Variants in UTP4 observed in about 807,000 individuals in gnomAD.
The protein encoded by UTP4 is U3 small nucleolar RNA-associated protein 4 homolog.
UTP4 carries 45 observed loss-of-function variants against 82.4 expected under a neutral mutation model. That is an observed-to-expected ratio of 0.55 (90% confidence interval 0.43 to 0.70). UTP4 has a LOEUF of 0.70. UTP4 is among the 30% of genes least tolerant of loss of function. The probability of loss-of-function intolerance (pLI) is 0.00; values close to 1 mark genes in which losing one functional copy is unlikely to be tolerated. For synonymous variants in UTP4, 348 were observed against 300.3 expected (o/e 1.16, Z -1.64); for missense variants, 819 against 858.3 (o/e 0.95, Z 0.57).
At chr16:69,151,001 T>C (rs924000978) in intron 8 of UTP4, 97 bp downstream of exon 8, 18 of 944,444 alleles carry the variant, frequency 1.9e-5, no homozygotes, top group Middle Eastern at 3.2e-4. Flanking sequence ...CTCGGCAAAT[T>C]TGTAGGACTT....
At chr16:69,151,645 T>C (rs1963273048) in intron 8 of UTP4, among the ~76,000 whole-genome samples, 1 of 151,020 alleles carries the variant, frequency 6.6e-6, no homozygotes, top group African/African-American at 2.4e-5. Context: ...TTTTTAACCA[T>C]CTGGGACATG....
chr16:69,133,738 T>C, intron 2 of UTP4, 120 bp downstream of exon 2: 1 of 1,015,422 alleles, frequency 9.8e-7, no homozygotes, highest in Non-Finnish European at 1.5e-6. Context: ...CTGAAGTTGC[T>C]TAGAACTACC....
At position 69,166,652 on chromosome 16, in the gene UTP4, T is replaced by C. The variant is rs140939984; in HGVS notation, c.1834-423T>C. 6.1e-3 allele frequency: 1,154 copies of C among 189,650 alleles called. 50 individuals are homozygous for C. Among genetic ancestry groups the C allele is most frequent in the Admixed American group, 0.059 (1,051 of 17,864 alleles). The allele number at this position is 189,650 out of a possible 1,614,324, so 11.7% of individuals were successfully genotyped here. On this transcript the variant is annotated intron_variant, in intron 15 of 16. Transcript: ENST00000314423. ...GTCACTTGTCCAGTCTGTGATCTGG[T>C]TGGGGGAGAGTCTAGAAAGCACAGA...
chr16:69,133,689 C>G (rs533459193), intron 2 of UTP4, 71 bp downstream of exon 2: 2 of 1,500,626 alleles, frequency 1.3e-6, no homozygotes, highest in East Asian at 4.5e-5. Flanking sequence ...GCTTGTATGT[C>G]TTTTATAATC....
chr16:69,164,586 T>TTTTATA (rs373429570), intron 14 of UTP4, among the ~76,000 whole-genome samples: 2 of 132,520 alleles, frequency 1.5e-5, no homozygotes, highest in South Asian at 2.4e-4. Context: ...TAATCATTCT[T>TTTTATA]TATATATATA....
In UTP4 at chr16:69,150,750, A is replaced by T. The variant is rs564881105; in HGVS notation, c.910+42A>T. On this transcript the variant is annotated intron_variant, in intron 7 of 16. Coordinates refer to ENST00000314423, the MANE Select transcript of UTP4 (RefSeq NM_032830.3). Reference sequence around the variant, plus strand: ...GTGAGGCTGCTGCTTTACCCTGCCCAGTTCTGGCTGTTCTCGTGAGGATGA... The same window carrying T: ...GTGAGGCTGCTGCTTTACCCTGCCCTGTTCTGGCTGTTCTCGTGAGGATGA... 23 of 1,613,854 alleles carry T rather than the reference A, an allele frequency of 1.4e-5. No homozygotes were observed. In the Admixed American group the frequency reaches 3.5e-4, roughly 25 times the overall value.
chr16:69,151,106 A>G (rs999813363), intron 8 of UTP4, among the ~76,000 whole-genome samples: 14 of 151,066 alleles, frequency 9.3e-5, no homozygotes, highest in Non-Finnish European at 2.1e-4. Flanking sequence ...TCCCGGGTTC[A>G]AGCGATTCTC....
intron 12 of UTP4, among the ~76,000 whole-genome samples, chr16:69,158,744 G>A (rs1963488569): frequency 6.6e-6 from 1 of 151,916 alleles, no homozygotes; most frequent in Admixed American, 6.6e-5. Context: ...TCTACTCCTC[G>A]TCACTTAGCT....
At chr16:69,167,691 A>T (rs1462811435) in intron 16 of UTP4, 1 of 162,760 alleles carries the variant, frequency 6.1e-6, no homozygotes, top group African/African-American at 2.4e-5. Flanking sequence ...AATGACTCAA[A>T]TGTGATTAGC....
chr16:69,150,981 A>G lies in UTP4; in HGVS notation c.1002+77A>G, dbSNP rs1307754905. The G allele has an allele frequency of 2.6e-6, 3 of 1,155,842 alleles. No individual in the cohort carries two copies. In the South Asian group the frequency reaches 3.7e-5, roughly 14 times the overall value. 71.6% of individuals were successfully genotyped at this position (1,155,842 alleles called of 1,614,324 possible). A position where few individuals can be genotyped will look rare whatever the true frequency, so the allele number is the denominator to read the frequency against. ...TCCCCCTGTCCCACAAGCTCTGAAC[A>G]CAGCTCACGCTCGGCAAATTTGTAG... On this transcript the variant is annotated intron_variant, in intron 8 of 16. Coordinates refer to ENST00000314423, the MANE Select transcript of UTP4 (RefSeq NM_032830.3).
At chr16:69,150,939 A>C in intron 8 of UTP4, 35 bp downstream of exon 8, 1 of 1,464,734 alleles carries the variant, frequency 6.8e-7, no homozygotes, top group Non-Finnish European at 9.5e-7. Context: ...CTAACCCCTC[A>C]TCTCCCCATC....
chr16:69,137,722 TGG>T, intron 3 of UTP4, 77 bp from the exon 4 acceptor site: 1 of 807,126 alleles, frequency 1.2e-6, no homozygotes, highest in Non-Finnish European at 2.2e-6. Flanking sequence ...GAGTGTGTGT[TGG>T]GGGGTGTGTG....
chr16:69,137,291 C>G (rs932243934), intron 3 of UTP4, among the ~76,000 whole-genome samples: 1 of 152,198 alleles, frequency 6.6e-6, no homozygotes, highest in Non-Finnish European at 1.5e-5. Context: ...TTAACCTGTG[C>G]ACTTGTGTTT....
intron 9 of UTP4, among the ~76,000 whole-genome samples, chr16:69,153,937 G>A (rs1168654338): frequency 6.6e-6 from 1 of 152,112 alleles, no homozygotes; most frequent in Non-Finnish European, 1.5e-5. Flanking sequence ...AAGGGTTGAA[G>A]AATCGTAGTT....
intron 15 of UTP4, chr16:69,166,504 G>A (rs1386290197): frequency 6.5e-6 from 1 of 153,562 alleles, no homozygotes; most frequent in Non-Finnish European, 1.4e-5. Flanking sequence ...CCTTACAGTA[G>A]GCATAGCTAT....
chr16:69,137,938 T>C (rs1962853673), intron 4 of UTP4, 53 bp downstream of exon 4: 2 of 1,055,004 alleles, frequency 1.9e-6, no homozygotes, highest in African/African-American at 3.1e-5. Flanking sequence ...AAATTAAGTT[T>C]CTGTGCCACT....
At chr16:69,144,233 G>C (rs1478357349) in intron 6 of UTP4, among the ~76,000 whole-genome samples, 1 of 141,756 alleles carries the variant, frequency 7.1e-6, no homozygotes, top group Non-Finnish European at 1.5e-5. Flanking sequence ...ACGGAGTCTA[G>C]CTCTGTCACC....
At chr16:69,149,413 G>C (rs1963202399) in intron 6 of UTP4, among the ~76,000 whole-genome samples, 1 of 151,716 alleles carries the variant, frequency 6.6e-6, no homozygotes, top group South Asian at 2.1e-4. Flanking sequence ...AGCCGGGTGT[G>C]GTGGTGTGTG....
At chr16:69,158,695 A>G (rs1248484158) in intron 12 of UTP4, among the ~76,000 whole-genome samples, 1 of 152,028 alleles carries the variant, frequency 6.6e-6, no homozygotes, top group Non-Finnish European at 1.5e-5. Flanking sequence ...TTCCCCTTGT[A>G]GTCAAAATGG....
Sources: gnomAD v4.1 joint callset for allele counts (sites outside exome capture counted in the v4.1 genomes callset) on GRCh38, gnomAD v4.1.1 for gene constraint, MANE v1.5 for transcripts, NCBI Gene and HGNC (gene_info 2026-07-23, HGNC 2026-07-21) for gene names.